The following HECTD4 variants were observed in gnomAD, a reference collection of about 807,000 sequenced individuals.
The protein encoded by HECTD4 is probable E3 ubiquitin-protein ligase HECTD4.
Under a neutral mutation model 471.5 loss-of-function variants are expected in HECTD4, and 114 were observed. The ratio of observed to expected loss-of-function variants is 0.24; its 90% CI spans 0.21 to 0.28. The LOEUF is 0.28. Ranked by LOEUF, HECTD4 falls within the 10% of genes least tolerant of loss-of-function variation. HECTD4 has a pLI of 1.00. For synonymous variants in HECTD4, 2,012 were observed against 2,256.0 expected (o/e 0.89, Z 3.07); for missense variants, 3,866 against 5,651.5 (o/e 0.68, Z 10.13).
At position 112,163,208 on chromosome 12, in the gene HECTD4, G is replaced by A. The variant is rs188611917; in HGVS notation, c.12954C>T (p.Phe4318=). 58 of 1,613,980 alleles carry A rather than the reference G, an allele frequency of 3.6e-5. No individual in the cohort carries two copies. The African/African-American group carries it at 4.8e-4, about 13-fold the overall frequency. Residue 4318 remains phenylalanine (F), a synonymous_variant, in exon 75 of 76, where the codon TTC becomes TTT. Coordinates refer to ENST00000682272, the MANE Select transcript of HECTD4 (RefSeq NM_001388303.1). The surrounding 1 kb of genome is among the most constrained non-coding windows in gnomAD (Gnocchi z 8.2). ...GGGTGAACATCTCCAGGGCCCCCCA[G>A]AAGAACTCGATGTGCTGGTCCGTCT... ...LMETDQHIEF[F]WGALEMFTQE...
chr12:112,287,745 C>T (rs11066237), intron 7 of HECTD4, among the ~76,000 whole-genome samples: 1 of 151,666 alleles, frequency 6.6e-6, no homozygotes, highest in Non-Finnish European at 1.5e-5. Flanking sequence ...CACAGTGAGA[C>T]CCCACTCTCT....
intron 7 of HECTD4, among the ~76,000 whole-genome samples, chr12:112,293,560 A>AATCAATCAATCAATCC (rs2034944460): frequency 6.6e-6 from 1 of 152,076 alleles, no homozygotes; most frequent in African/African-American, 2.4e-5. Context: ...TCAATCAATC[A>AATCAATCAATCAATCC]ATCAATCTTG....
chr12:112,334,842 A>C (rs2035917516), intron 1 of HECTD4, among the ~76,000 whole-genome samples: 2 of 151,632 alleles, frequency 1.3e-5, no homozygotes, highest in Non-Finnish European at 2.9e-5. Flanking sequence ...AATCAAAAAA[A>C]TTAAAAAATA....
chr12:112,281,035 C>T (rs957873316), intron 8 of HECTD4, among the ~76,000 whole-genome samples: 4 of 152,132 alleles, frequency 2.6e-5, no homozygotes, highest in Non-Finnish European at 4.4e-5. Context: ...AGGTGATCCA[C>T]CCACCTCAGC....
chr12:112,286,512 C>G (rs1213408653), intron 7 of HECTD4, among the ~76,000 whole-genome samples: 1 of 152,096 alleles, frequency 6.6e-6, no homozygotes, highest in East Asian at 1.9e-4. Flanking sequence ...CAACCTGTCT[C>G]AAACACACAC....
At position 112,169,488 on chromosome 12, in the gene HECTD4, C is replaced by A; in HGVS notation, c.12208+15G>T. The A allele has an allele frequency of 1.3e-6, 2 of 1,598,336 alleles. No homozygotes were observed. The highest frequency in any genetic ancestry group is 1.7e-6 in the Non-Finnish European group (2 of 1,171,920). ...ACAGCTCCTCCAGCGTGGAGCCTGGCGGGCCACCACTTACTGGTGCCATGG... is the reference window on the plus strand; with the variant it reads ...ACAGCTCCTCCAGCGTGGAGCCTGGAGGGCCACCACTTACTGGTGCCATGG... On this transcript the variant is annotated intron_variant, in intron 70 of 75. Transcript: ENST00000682272.
rs554017068 is a variant in HECTD4 at position 112,194,423 on chromosome 12, C to T, written c.8749+462G>A. ...TGGATAGTGCTGAGGGCAGACTCAT[C>T]ACCTGGCATTCACTGGGGATCAGAC... On this transcript the variant is annotated intron_variant, in intron 56 of 75. Transcript: ENST00000682272. This position sits in a 1 kb window ranked among gnomAD's most constrained non-coding sequence, Gnocchi z 4.6. 6.6e-6 allele frequency among the ~76,000 whole-genome samples: 1 copy of T among 152,340 alleles called. No individual in the cohort carries two copies. The highest frequency in any genetic ancestry group is 6.5e-5 in the Admixed American group (1 of 15,302).
chr12:112,281,600 C>A (rs1019722875), intron 8 of HECTD4, among the ~76,000 whole-genome samples: 1 of 152,142 alleles, frequency 6.6e-6, no homozygotes, highest in African/African-American at 2.4e-5. Flanking sequence ...TTGGAATTAT[C>A]CACTTACCCA....
At chr12:112,181,300 A>T (rs1247503209) in intron 62 of HECTD4, among the ~76,000 whole-genome samples, 1 of 152,196 alleles carries the variant, frequency 6.6e-6, no homozygotes, top group Non-Finnish European at 1.5e-5. Context: ...TAAAATTTTA[A>T]CACTTTGCTG....
At chr12:112,281,587 C>T (rs2135639149) in intron 8 of HECTD4, among the ~76,000 whole-genome samples, 1 of 152,304 alleles carries the variant, frequency 6.6e-6, no homozygotes, top group South Asian at 2.1e-4. Flanking sequence ...GTATCTTCTA[C>T]AGTTGGAATT....
At position 112,208,557 on chromosome 12, in the gene HECTD4, G is replaced by A; in HGVS notation, c.7941C>T (p.Asp2647=). ...CATCTGCAATGGGAGGCGGGTGAGG[G>A]TCTGGGCCAGAGGTGATGAAATTCT... ...SYENFITSGP[D]PHPPPIADDE... Residue 2647 remains aspartate, a synonymous_variant, in exon 51 of 76, where the codon GAC becomes GAT. Coordinates refer to ENST00000682272, the MANE Select transcript of HECTD4 (RefSeq NM_001388303.1). 6.2e-7 allele frequency: 1 copy of A among 1,608,516 alleles called. No homozygotes were observed. Among genetic ancestry groups the A allele is most frequent in the African/African-American group, 1.3e-5 (1 of 74,688 alleles).
chr12:112,254,182 C>G lies in HECTD4; in HGVS notation c.3328-20G>C. ...CACCAACTTCAAAACAGAAAATATA[C>G]TGTTAGACTGTAAAAGAAAAACAAA... On this transcript the variant is annotated intron_variant, in intron 21 of 75. Transcript: ENST00000682272. 1 of 1,606,010 alleles carries G rather than the reference C, an allele frequency of 6.2e-7. No individual in the cohort carries two copies. Among genetic ancestry groups the G allele is most frequent in the Non-Finnish European group, 8.5e-7 (1 of 1,177,492 alleles).
At chr12:112,341,162 A>T (rs1204791913) in intron 1 of HECTD4, among the ~76,000 whole-genome samples, 1 of 152,216 alleles carries the variant, frequency 6.6e-6, no homozygotes, top group Non-Finnish European at 1.5e-5. Flanking sequence ...CTGAATGAGC[A>T]GCAGATTAAA....
chr12:112,281,361 A>T (rs1030051577), intron 8 of HECTD4, among the ~76,000 whole-genome samples: 18 of 152,214 alleles, frequency 1.2e-4, no homozygotes, highest in Admixed American at 9.8e-4. Context: ...CAAAGCGTGC[A>T]CATTTCTACC....
At chr12:112,168,758 T>C (rs1450795102) in intron 70 of HECTD4, among the ~76,000 whole-genome samples, 1 of 152,212 alleles carries the variant, frequency 6.6e-6, no homozygotes, top group Non-Finnish European at 1.5e-5. Flanking sequence ...AGTCCCAGTT[T>C]CCCTATGTGT....
chr12:112,239,860 A>G lies in HECTD4; in HGVS notation c.5105+21T>C. ...TACTGCAGGGTAACTTACATACAAC[A>G]AAAGGCCTTTCCGTACTTACCTGGT... is the stretch of plus-strand genomic sequence containing the variant. On this transcript the variant is annotated intron_variant, in intron 33 of 75. Transcript: ENST00000682272. The surrounding 1 kb of genome is among the most constrained non-coding windows in gnomAD (Gnocchi z 4.9). The G allele has an allele frequency of 6.3e-7, 1 of 1,599,446 alleles. No individual in the cohort carries two copies. The highest frequency in any genetic ancestry group is 1.1e-5 in the South Asian group (1 of 89,194).
rs1034114313 is a variant in HECTD4, at chr12:112,259,412, A to G, written c.2874-147T>C. On this transcript the variant is annotated intron_variant, in intron 18 of 75. Transcript: ENST00000682272. ...TTCAGCGATAGCAATTCAGTCCACA[A>G]ATTTTCCACCTTCTGCCACTGAGGG... The G allele has an allele frequency of 5.4e-6, 4 of 740,504 alleles. No homozygotes were observed. The African/African-American group carries it at 5.6e-5, about 10-fold the overall frequency. The allele number at this position is 740,504 out of a possible 1,614,324, so 45.9% of individuals were successfully genotyped here. A position where few individuals can be genotyped will look rare whatever the true frequency, so the allele number is the denominator to read the frequency against.
chr12:112,166,131 C>CTGCA lies in HECTD4; in HGVS notation c.12534+1182_12534+1185dup, dbSNP rs1351988289. 1 of 152,474 alleles carries CTGCA rather than the reference C, an allele frequency of 6.6e-6. No individual in the cohort carries two copies. The highest frequency in any genetic ancestry group is 1.5e-5 in the Non-Finnish European group (1 of 68,244). The allele number at this position is 152,474 out of a possible 1,614,324, so 9.4% of individuals were successfully genotyped here. A position where few individuals can be genotyped will look rare whatever the true frequency, so the allele number is the denominator to read the frequency against. On this transcript the variant is annotated intron_variant, in intron 72 of 75. Coordinates refer to ENST00000682272, the MANE Select transcript of HECTD4 (RefSeq NM_001388303.1). The surrounding 1 kb of genome is among the most constrained non-coding windows in gnomAD (Gnocchi z 4.6). ...ACATCCCCTGCTGCCCCAGCCTGTG[C>CTGCA]TGCACCCAGAGCCCCAGGAGGACTC...
At chr12:112,365,704 T>C (rs1414532162) in intron 1 of HECTD4, among the ~76,000 whole-genome samples, 1 of 151,672 alleles carries the variant, frequency 6.6e-6, no homozygotes, top group African/African-American at 2.4e-5. Context: ...AAAATGCATT[T>C]AGATTTTAAA....
Sources: gnomAD v4.1 joint callset for allele counts (sites outside exome capture counted in the v4.1 genomes callset) on GRCh38, gnomAD v4.1.1 for gene constraint, Gnocchi (gnomAD v3.1) non-coding constraint, MANE v1.5 for transcripts, NCBI Gene and HGNC (gene_info 2026-07-23, HGNC 2026-07-21) for gene names.